Variants in LSAMP observed in about 807,000 individuals in gnomAD.
The protein encoded by LSAMP is limbic system associated membrane protein.
Under a neutral mutation model 38.6 loss-of-function variants are expected in LSAMP, and 7 were observed. That is an observed-to-expected ratio of 0.18 (90% CI 0.10 to 0.34). The LOEUF (loss-of-function observed/expected upper bound fraction) is 0.34, where lower values mean the gene tolerates loss of function less well. Ranked by LOEUF, LSAMP falls within the 10% of genes least tolerant of loss-of-function variation. The pLI, the probability that LSAMP is intolerant of heterozygous loss-of-function variation, is 1.00. For missense variants in LSAMP, 313 were observed against 420.0 expected (o/e 0.75, Z 2.23); for synonymous variants, 154 against 166.8 (o/e 0.92, Z 0.59).
At chr3:116,116,124 T>C (rs79546926) in intron 1 of LSAMP, among the ~76,000 whole-genome samples, 16 of 151,474 alleles carry the variant, frequency 1.1e-4, no homozygotes, top group African/African-American at 3.4e-4. Flanking sequence ...TTTTTTTTTT[T>C]CTTTTGGCTC....
At chr3:115,971,054 A>G (rs371447474) in intron 3 of LSAMP, among the ~76,000 whole-genome samples, 1 of 152,156 alleles carries the variant, frequency 6.6e-6, no homozygotes, top group African/African-American at 2.4e-5. Flanking sequence ...CAGGGCGAGA[A>G]AGTTCAAGTG....
intron 4 of LSAMP, among the ~76,000 whole-genome samples, chr3:115,843,029 A>T (rs550463139): frequency 7.5e-4 from 114 of 152,326 alleles, no homozygotes; most frequent in Non-Finnish European, 1.0e-3. Flanking sequence ...GTCTGATGAA[A>T]ATAATAGCCA....
chr3:116,303,247 G>T (rs2047438474), intron 1 of LSAMP, among the ~76,000 whole-genome samples: 1 of 152,062 alleles, frequency 6.6e-6, no homozygotes, highest in Admixed American at 6.6e-5. Context: ...GAAGATATTT[G>T]GGAGAAATAA....
chr3:115,941,335 C>G (rs1016080982), intron 3 of LSAMP, among the ~76,000 whole-genome samples: 3 of 152,020 alleles, frequency 2.0e-5, no homozygotes, highest in African/African-American at 7.2e-5. Context: ...GGGAATGTAA[C>G]TTGGTATAGC....
chr3:116,155,619 G>A (rs1709728359), intron 1 of LSAMP, among the ~76,000 whole-genome samples: 1 of 130,238 alleles, frequency 7.7e-6, no homozygotes, highest in East Asian at 2.7e-4. Flanking sequence ...ATGTATACAA[G>A]AGGGTGTGTG....
At chr3:116,022,311 AT>A (rs1940662707) in intron 2 of LSAMP, among the ~76,000 whole-genome samples, 1 of 139,878 alleles carries the variant, frequency 7.1e-6, no homozygotes, top group Non-Finnish European at 1.6e-5. Context: ...TTTTATTTTT[AT>A]TTTTTTCCCA....
intron 3 of LSAMP, among the ~76,000 whole-genome samples, chr3:115,857,811 ATTTC>A (rs1483014235): frequency 3.9e-5 from 6 of 152,240 alleles, no homozygotes; most frequent in African/African-American, 1.4e-4. Flanking sequence ...TTCTTTTAAT[ATTTC>A]TTCATAAGTC....
At chr3:116,291,242 A>T (rs2047263203) in intron 1 of LSAMP, among the ~76,000 whole-genome samples, 1 of 152,190 alleles carries the variant, frequency 6.6e-6, no homozygotes, top group African/African-American at 2.4e-5. Flanking sequence ...AAAATTGAAG[A>T]GAAGATAACA....
intron 1 of LSAMP, among the ~76,000 whole-genome samples, chr3:116,346,850 C>T (rs2048070021): frequency 1.3e-5 from 2 of 152,164 alleles, no homozygotes; most frequent in Non-Finnish European, 2.9e-5. Flanking sequence ...TCTAACATAT[C>T]AAGAGTCTTC....
intron 1 of LSAMP, among the ~76,000 whole-genome samples, chr3:116,409,231 G>C (rs1245771645): frequency 1.3e-5 from 2 of 152,028 alleles, no homozygotes; most frequent in Non-Finnish European, 2.9e-5. Flanking sequence ...ATGTAAGTCT[G>C]GTGTGGGCAA....
At chr3:116,059,797 TAATGA>T in intron 2 of LSAMP, among the ~76,000 whole-genome samples, 1 of 152,346 alleles carries the variant, frequency 6.6e-6, no homozygotes, top group East Asian at 1.9e-4. Context: ...GAACGCTCTC[TAATGA>T]AATACCCCTT....
At chr3:116,339,315 T>A (rs1293884436) in intron 1 of LSAMP, among the ~76,000 whole-genome samples, 2 of 151,366 alleles carry the variant, frequency 1.3e-5, no homozygotes, top group Non-Finnish European at 1.5e-5. Context: ...TTGAAGTGGA[T>A]TCCAGGACTG....
rs1445927237 is a variant in LSAMP, at chr3:116,445,033, G to A, written c.-2C>T. ...ATCCGGCTGAACTCTCCTGACCATGGTGGCCACGCCGAGGTGCGGGTCCGC... is the reference window on the plus strand; with the variant it reads ...ATCCGGCTGAACTCTCCTGACCATGATGGCCACGCCGAGGTGCGGGTCCGC... On this transcript the variant is annotated 5_prime_UTR_variant, in exon 1 of 7. Transcript: ENST00000490035. 6.2e-7 allele frequency: 1 copy of A among 1,609,978 alleles called. No individual in the cohort carries two copies. The highest frequency in any genetic ancestry group is 8.5e-7 in the Non-Finnish European group (1 of 1,176,936).
At chr3:116,022,039 G>A (rs1576313554) in intron 2 of LSAMP, among the ~76,000 whole-genome samples, 1 of 152,136 alleles carries the variant, frequency 6.6e-6, no homozygotes, top group East Asian at 1.9e-4. Flanking sequence ...GATACAGAAA[G>A]TGTTTGTGCT....
chr3:116,059,990 C>T (rs768439686), intron 2 of LSAMP, among the ~76,000 whole-genome samples: 1 of 152,198 alleles, frequency 6.6e-6, no homozygotes, highest in Non-Finnish European at 1.5e-5. Context: ...ATTTATGTTA[C>T]ATACCAATGC....
Position 116,339,307 on chromosome 3 carries a change from G to T in LSAMP, c.155+105570C>A, listed in dbSNP as rs1243133601. Among the ~76,000 whole-genome samples, 19 of 148,318 alleles carry T rather than the reference G, an allele frequency of 1.3e-4. 1 individual carries two copies. The South Asian group carries it at 4.0e-3, about 31-fold the overall frequency. ...ATTTTTTTTTTTTTTGAGAAAATTTGAAGTGGATTCCAGGACTGATAGATT... is the reference window on the plus strand; with the variant it reads ...ATTTTTTTTTTTTTTGAGAAAATTTTAAGTGGATTCCAGGACTGATAGATT... On this transcript the variant is annotated intron_variant, in intron 1 of 6. Coordinates refer to ENST00000490035, the MANE Select transcript of LSAMP (RefSeq NM_002338.5).
chr3:115,912,778 G>A (rs1937163385), intron 3 of LSAMP, among the ~76,000 whole-genome samples: 1 of 152,058 alleles, frequency 6.6e-6, no homozygotes, highest in Admixed American at 6.6e-5. Context: ...TAGAAGGCAG[G>A]CTTTTGTTGA....
intron 1 of LSAMP, among the ~76,000 whole-genome samples, chr3:116,224,675 G>A (rs928163094): frequency 6.6e-6 from 1 of 152,170 alleles, no homozygotes. Context: ...TTAGACACCT[G>A]AGAGAAAGGC....
intron 3 of LSAMP, among the ~76,000 whole-genome samples, chr3:115,987,622 GA>G (rs1338578478): frequency 2.0e-5 from 3 of 152,086 alleles, no homozygotes; most frequent in African/African-American, 7.2e-5. Flanking sequence ...TCAAAGTTTA[GA>G]AAACATTTAT....
Sources: allele counts gnomAD v4.1 joint callset (sites outside exome capture counted in the v4.1 genomes callset), GRCh38; gene constraint gnomAD v4.1.1; transcripts MANE v1.5; gene names NCBI Gene and HGNC (gene_info 2026-07-23, HGNC 2026-07-21).